LRIT1: variants seen among roughly 807,000 people sequenced by gnomAD.
The protein encoded by LRIT1 is leucine-rich repeat, immunoglobulin-like domain and transmembrane domain-containing protein 1.
Under a neutral mutation model 24.0 loss-of-function variants are expected in LRIT1, and 23 were observed. That is an observed-to-expected ratio of 0.96 (90% CI 0.69 to 1.36). The LOEUF (loss-of-function observed/expected upper bound fraction) is 1.36, where lower values mean the gene tolerates loss of function less well. Ranked by LOEUF, LRIT1 falls within the 40% of genes most tolerant of loss-of-function variation. LRIT1 has a pLI of 0.00. For missense variants in LRIT1, 846 were observed against 806.3 expected (o/e 1.05, Z -0.60); for synonymous variants, 361 against 340.5 (o/e 1.06, Z -0.66).
At chr10:84,236,650 A>G (rs528993072) in intron 2 of LRIT1, among the ~76,000 whole-genome samples, 1 of 152,354 alleles carries the variant, frequency 6.6e-6, no homozygotes, top group African/African-American at 2.4e-5. Flanking sequence ...TATGAAATGT[A>G]TCTGAACAGA....
chr10:84,235,401 A>G (rs944324254), intron 2 of LRIT1, among the ~76,000 whole-genome samples: 1 of 152,132 alleles, frequency 6.6e-6, no homozygotes, highest in Non-Finnish European at 1.5e-5. Flanking sequence ...CCCAAGATTC[A>G]TCAATGCCTG....
chr10:84,241,298 C>G lies in LRIT1; in HGVS notation c.122+20G>C, dbSNP rs781348543. ...AGCAATGGAGGCTGGGCTGCCCGTC[C>G]CACGCACCCGGTACCATACCTGGCC... On this transcript the variant is annotated intron_variant, in intron 1 of 3. Transcript: ENST00000372105. 8 of 1,613,836 alleles carry G rather than the reference C, an allele frequency of 5.0e-6. No individual in the cohort carries two copies. The highest frequency in any genetic ancestry group is 5.9e-6 in the Non-Finnish European group (7 of 1,179,918).
Sources: allele counts gnomAD v4.1 joint callset (sites outside exome capture counted in the v4.1 genomes callset), GRCh38; gene constraint gnomAD v4.1.1; transcripts MANE v1.5; gene names NCBI Gene and HGNC (gene_info 2026-07-23, HGNC 2026-07-21).